Variants in PRKCQ observed in about 807,000 individuals in gnomAD.
PRKCQ encodes protein kinase C theta type.
Under a neutral mutation model 91.2 loss-of-function variants are expected in PRKCQ, and 41 were observed. The ratio of observed to expected loss-of-function variants is 0.45; its 90% CI spans 0.35 to 0.58. The LOEUF (loss-of-function observed/expected upper bound fraction) is 0.58. Among genes scored for constraint, PRKCQ ranks in the 20% least tolerant of loss-of-function variants. The pLI is 0.00. For synonymous variants in PRKCQ, 307 were observed against 316.9 expected (o/e 0.97, Z 0.33); for missense variants, 673 against 896.5 (o/e 0.75, Z 3.18).
At chr10:6,452,229 C>T (rs2132294403) in intron 15 of PRKCQ, among the ~76,000 whole-genome samples, 1 of 152,308 alleles carries the variant, frequency 6.6e-6, no homozygotes, top group South Asian at 2.1e-4. Flanking sequence ...TCAGCAAAGT[C>T]TCAGCATACA....
the PRKCQ span, among the ~76,000 whole-genome samples, chr10:6,411,753 A>G: frequency 6.6e-6 from 1 of 152,202 alleles, no homozygotes; most frequent in Non-Finnish European, 1.5e-5. Context: ...ACCCTGGTAC[A>G]TAGTTTACAT....
At chr10:6,550,149 A>C (rs1216040228) in intron 1 of PRKCQ, among the ~76,000 whole-genome samples, 1 of 152,224 alleles carries the variant, frequency 6.6e-6, no homozygotes, top group African/African-American at 2.4e-5. Context: ...TCTCATAGGT[A>C]GAACGGGCAA....
intron 2 of PRKCQ, among the ~76,000 whole-genome samples, chr10:6,513,120 A>G (rs939153348): frequency 6.6e-6 from 1 of 152,194 alleles, no homozygotes; most frequent in Non-Finnish European, 1.5e-5. Flanking sequence ...AGAGGGCCCT[A>G]TCTATGTAGA....
At chr10:6,549,924 G>A (rs991898293) in intron 1 of PRKCQ, among the ~76,000 whole-genome samples, 12 of 151,974 alleles carry the variant, frequency 7.9e-5, no homozygotes, top group African/African-American at 2.9e-4. Context: ...GAGCCACCGC[G>A]CCCGGCTGAA....
At chr10:6,518,651 CT>C (rs1171701023) in intron 1 of PRKCQ, among the ~76,000 whole-genome samples, 3 of 152,044 alleles carry the variant, frequency 2.0e-5, no homozygotes, top group African/African-American at 4.8e-5. Flanking sequence ...GTGAAACCCC[CT>C]CTCTACAAAA....
chr10:6,486,867 T>C (rs570255738), intron 8 of PRKCQ, among the ~76,000 whole-genome samples: 23 of 152,238 alleles, frequency 1.5e-4, no homozygotes, highest in African/African-American at 5.5e-4. Context: ...CAGATGGATA[T>C]CAGACGGTGG....
intron 12 of PRKCQ, among the ~76,000 whole-genome samples, chr10:6,470,159 T>C (rs1406697102): frequency 1.3e-5 from 2 of 152,218 alleles, no homozygotes; most frequent in Non-Finnish European, 2.9e-5. Flanking sequence ...CAGTTTTTGA[T>C]TGTCAACTCT....
At chr10:6,478,368 T>C (rs544729622) in intron 12 of PRKCQ, among the ~76,000 whole-genome samples, 2 of 152,344 alleles carry the variant, frequency 1.3e-5, no homozygotes, top group East Asian at 1.9e-4. Context: ...ACAATGATCC[T>C]GAATAATTTT....
the PRKCQ span, among the ~76,000 whole-genome samples, chr10:6,411,525 A>C: frequency 0.4 from 60,837 of 152,048 alleles, 13,664 homozygotes; most frequent in East Asian, 0.76. Flanking sequence ...GACATCAAAA[A>C]CAAATAAAAC....
intron 15 of PRKCQ, among the ~76,000 whole-genome samples, chr10:6,455,010 GA>G (rs1834933159): frequency 2.0e-5 from 3 of 152,210 alleles, no homozygotes; most frequent in Admixed American, 2.0e-4. Context: ...GAATACATCA[GA>G]GTAAGGCAGC....
At chr10:6,528,471 G>A (rs552391038) in intron 1 of PRKCQ, among the ~76,000 whole-genome samples, 3 of 152,254 alleles carry the variant, frequency 2.0e-5, no homozygotes, top group Admixed American at 6.5e-5. Context: ...CGCCTGGGAC[G>A]CTGTGAACAG....
rs200625828 is a variant in PRKCQ at position 6,497,206 on chromosome 10, A to G, written c.574+14T>C. 2 of 1,614,122 alleles carry G rather than the reference A, an allele frequency of 1.2e-6. No individual in the cohort carries two copies. The highest frequency in any genetic ancestry group is 1.7e-6 in the Non-Finnish European group (2 of 1,179,998). ...AAAGAATGATGGTAATGCAACCAAA[A>G]CCCTCTTACTTACGTCGGCACTGGT... On this transcript the variant is annotated intron_variant, in intron 6 of 17. Coordinates refer to ENST00000263125, the MANE Select transcript of PRKCQ (RefSeq NM_006257.5). The surrounding 1 kb of genome is among the most constrained non-coding windows in gnomAD (Gnocchi z 4.5).
intron 16 of PRKCQ, among the ~76,000 whole-genome samples, chr10:6,440,790 A>T (rs1382050696): frequency 2.0e-5 from 3 of 152,198 alleles, no homozygotes; most frequent in African/African-American, 7.2e-5. Flanking sequence ...GGAGTTCAAG[A>T]CCAGCTTGGC....
chr10:6,492,370 CT>C (rs1488695579), intron 7 of PRKCQ, among the ~76,000 whole-genome samples: 3 of 152,146 alleles, frequency 2.0e-5, no homozygotes, highest in African/African-American at 7.2e-5. Flanking sequence ...GGAGCAGTTC[CT>C]GCCAGGTGCG....
chr10:6,498,678 G>GGA, intron 4 of PRKCQ, 120 bp from the exon 5 acceptor site: 1 of 892,096 alleles, frequency 1.1e-6, no homozygotes, highest in Non-Finnish European at 1.7e-6. Context: ...CTGAGTACCT[G>GGA]CTGTAACATT....
the PRKCQ span, among the ~76,000 whole-genome samples, chr10:6,398,878 C>T: frequency 2.0e-5 from 3 of 151,944 alleles, no homozygotes; most frequent in Non-Finnish European, 4.4e-5. Context: ...CTTAGCTTCC[C>T]GAGTATCTAG....
In PRKCQ at chr10:6,481,904, C is replaced by T. The variant is rs146721576; in HGVS notation, c.1179+1536G>A. 7.5e-3 allele frequency among the ~76,000 whole-genome samples: 1,135 copies of T among 152,224 alleles called. 14 individuals carry two copies. The highest frequency in any genetic ancestry group is 0.025 in the African/African-American group (1,035 of 41,514). On this transcript the variant is annotated intron_variant, in intron 11 of 17. Coordinates refer to ENST00000263125, the MANE Select transcript of PRKCQ (RefSeq NM_006257.5). ...TAAAAGCCTATATTCCATATCATCC[C>T]TCCTTAAATCACCAGCTTGAAAATT...
At chr10:6,485,738 T>C (rs1836871149) in intron 9 of PRKCQ, among the ~76,000 whole-genome samples, 1 of 152,252 alleles carries the variant, frequency 6.6e-6, no homozygotes, top group Non-Finnish European at 1.5e-5. Flanking sequence ...AACCCGAATA[T>C]ATTCACATAA....
At chr10:6,548,237 G>A (rs899376315) in intron 1 of PRKCQ, among the ~76,000 whole-genome samples, 6 of 150,732 alleles carry the variant, frequency 4.0e-5, no homozygotes, top group Non-Finnish European at 6.0e-5. Flanking sequence ...GAAACAACAG[G>A]TGCTGGAGAG....
Sources: gnomAD v4.1 joint callset for allele counts (sites outside exome capture counted in the v4.1 genomes callset) on GRCh38, gnomAD v4.1.1 for gene constraint, Gnocchi (gnomAD v3.1) non-coding constraint, MANE v1.5 for transcripts, NCBI Gene and HGNC (gene_info 2026-07-23, HGNC 2026-07-21) for gene names.